The following NELFCD variants were observed in gnomAD, a reference collection of about 807,000 sequenced individuals.
NELFCD encodes negative elongation factor complex member C/D.
A neutral mutation model predicts 72.9 loss-of-function variants in NELFCD; 48 were observed. The ratio of observed to expected loss-of-function variants is 0.66; its 90% CI spans 0.52 to 0.84. The LOEUF (loss-of-function observed/expected upper bound fraction) is 0.84. Ranked by LOEUF, NELFCD falls within the 40% of genes least tolerant of loss-of-function variation. The pLI is 0.00. For missense variants in NELFCD, 538 were observed against 723.8 expected, an observed-to-expected ratio of 0.74 and a Z score of 2.94; for synonymous variants, 297 against 280.6, an observed-to-expected ratio of 1.06 and a Z score of -0.59.
intron 4 of NELFCD, among the ~76,000 whole-genome samples, chr20:58,988,209 G>A (rs1601213793): frequency 6.6e-6 from 1 of 152,234 alleles, no homozygotes; most frequent in South Asian, 2.1e-4. Flanking sequence ...GGTAGGGCTG[G>A]AGGAGGCTGG....
Position 58,986,643 on chromosome 20 carries a change from C to G in NELFCD, c.177-111C>G, listed in dbSNP as rs1357617952. 9 of 800,348 alleles carry G rather than the reference C, an allele frequency of 1.1e-5. 1 individual carries two copies. The highest frequency in any genetic ancestry group is 3.2e-4 in the Middle Eastern group (1 of 3,122). 49.6% of individuals were successfully genotyped at this position (800,348 alleles called of 1,614,324 possible). A position where few individuals can be genotyped will look rare whatever the true frequency, so the allele number is the denominator to read the frequency against. On this transcript the variant is annotated intron_variant, in intron 2 of 14. Transcript: ENST00000652272. This position sits in a 1 kb window ranked among gnomAD's most constrained non-coding sequence, Gnocchi z 4.4. ...CAGGTGTGCACCACTGCACCCAGCC[C>G]CCTCCGCTGCTTTAAAAATTTTGAA...
In NELFCD at chr20:58,992,011, A is replaced by G; in HGVS notation, c.1220A>G (p.Gln407Arg). The G allele has an allele frequency of 6.2e-7, 1 of 1,613,814 alleles. No individual in the cohort carries two copies. The highest frequency in any genetic ancestry group is 8.5e-7 in the Non-Finnish European group (1 of 1,179,836). Residue 407 changes from glutamine (Q) to arginine (R), a missense_variant, in exon 10 of 15, where the codon CAG becomes CGG. Coordinates refer to ENST00000652272, the MANE Select transcript of NELFCD (RefSeq NM_198976.4). ...ELVAELSTLY[Q>R]CIRFPVVAMG... ...GTGGCAGAATTGAGCACACTTTATC[A>G]GTGTATTAGGTAAGCAAAACGAAAC...
chr20:58,987,071 G>C, intron 3 of NELFCD: 1 of 514,934 alleles, frequency 1.9e-6, no homozygotes, highest in Admixed American at 3.9e-5. Context: ...AGTAATTGAG[G>C]TTTACTGGTA....
Position 58,991,890 on chromosome 20 carries a change from G to A in NELFCD, c.1099G>A (p.Val367Met). 1.2e-6 allele frequency: 2 copies of A among 1,614,184 alleles called. No homozygotes were observed. Among genetic ancestry groups the A allele is most frequent in the Non-Finnish European group, 1.7e-6 (2 of 1,180,016 alleles). ...GTGTGTGTGTTTTCAGAACAAGCGAGTGAGCATCAATAAAGATGAGCTGAA... is the reference window on the plus strand; with the variant it reads ...GTGTGTGTGTTTTCAGAACAAGCGAATGAGCATCAATAAAGATGAGCTGAA... ...VVETWKKNKR[V>M]SINKDELKST... The change falls in exon 10 of 15, where the codon GTG (valine) becomes ATG (methionine). Residue 367 changes from valine (V) to methionine (M), a missense_variant. By Grantham distance (21) the Val-to-Met change is conservative. Coordinates refer to ENST00000652272, the MANE Select transcript of NELFCD (RefSeq NM_198976.4).
intron 1 of NELFCD, among the ~76,000 whole-genome samples, chr20:58,982,140 A>ATTTTT (rs751696443): frequency 5.8e-5 from 4 of 68,398 alleles, no homozygotes; most frequent in Admixed American, 2.0e-4. Context: ...GGGAACTTGC[A>ATTTTT]TTTTTTTTTT....
Position 58,993,486 on chromosome 20 carries a change from T to A in NELFCD, c.1382T>A (p.Leu461Gln). The A allele has an allele frequency of 6.2e-7, 1 of 1,614,140 alleles. No homozygotes were observed. Among genetic ancestry groups the A allele is most frequent in the Non-Finnish European group, 8.5e-7 (1 of 1,180,024 alleles). Residue 461 changes from leucine to glutamine, a missense_variant, in exon 12 of 15, where the codon CTG (leucine) becomes CAG (glutamine). By Grantham distance (113) the Leu-to-Gln change is moderately radical (BLOSUM62 -2). Coordinates refer to ENST00000652272, the MANE Select transcript of NELFCD (RefSeq NM_198976.4). This position sits in a 1 kb window ranked among gnomAD's most constrained non-coding sequence, Gnocchi z 5.0. ...CACCAGCTCCTGCACCCCCAGGTCC[T>A]GCAGCTGCTTGTTAAGCTTTTTGAG... ...TCHQLLHPQV[L>Q]QLLVKLFETE...
intron 14 of NELFCD, 64 bp from the exon 15 acceptor site, chr20:58,994,578 A>G (rs2091844863): frequency 4.4e-6 from 6 of 1,353,492 alleles, no homozygotes; most frequent in Middle Eastern, 3.7e-4. Flanking sequence ...AAAAAAAAAA[A>G]AAGAAAGAAA....
At chr20:58,985,460 C>T (rs2091764970) in intron 1 of NELFCD, among the ~76,000 whole-genome samples, 1 of 152,226 alleles carries the variant, frequency 6.6e-6, no homozygotes. Context: ...AGTCCATCCT[C>T]ACATGGTCAT....
At chr20:58,985,239 G>C (rs1416722744) in intron 1 of NELFCD, among the ~76,000 whole-genome samples, 1 of 152,062 alleles carries the variant, frequency 6.6e-6, no homozygotes, top group Non-Finnish European at 1.5e-5. Flanking sequence ...CTGACCCCTG[G>C]CCCAGCTCTT....
At chr20:58,989,449 C>T (rs2091797154) in intron 5 of NELFCD, 39 bp from the exon 6 acceptor site, 1 of 1,609,168 alleles carries the variant, frequency 6.2e-7, no homozygotes, top group Non-Finnish European at 8.5e-7. Flanking sequence ...GGTGCGGTCA[C>T]TGCATGCCTC....
Position 58,986,983 on chromosome 20 carries a change from T to A in NELFCD, c.286+120T>A, listed in dbSNP as rs937944746. ...GATTTCCTGGTTTCTGAGACTTGTG[T>A]AAGAAAGAGCTGAACTTCTTACTCA... On this transcript the variant is annotated intron_variant, in intron 3 of 14. Transcript: ENST00000652272. This position sits in a 1 kb window ranked among gnomAD's most constrained non-coding sequence, Gnocchi z 4.4. 1.2e-5 allele frequency: 7 copies of A among 606,934 alleles called. No homozygotes were observed. The African/African-American group carries it at 1.4e-4, about 12-fold the overall frequency. The allele number at this position is 606,934 out of a possible 1,614,324, so 37.6% of individuals were successfully genotyped here.
rs367912773 is a variant in NELFCD at position 58,994,106 on chromosome 20, G to C, written c.1582-4G>C. 1 of 1,613,880 alleles carries C rather than the reference G, an allele frequency of 6.2e-7. No homozygotes were observed. The highest frequency in any genetic ancestry group is 8.5e-7 in the Non-Finnish European group (1 of 1,179,910). ...AAGAAGTCACCCTGTGCTCCCCCAC[G>C]CAGGTGCTGGACGTCATTGCTCCTC... On this transcript the variant is annotated splice_region_variant and splice_polypyrimidine_tract_variant and intron_variant, in intron 13 of 14. Transcript: ENST00000652272.
At chr20:58,983,144 T>C (rs889160048) in intron 1 of NELFCD, among the ~76,000 whole-genome samples, 7 of 150,868 alleles carry the variant, frequency 4.6e-5, no homozygotes, top group African/African-American at 1.5e-4. Flanking sequence ...TTTTTCTTTT[T>C]TTTTTTTTTT....
At position 58,987,688 on chromosome 20, in the gene NELFCD, T is replaced by G. The variant is rs1364479190; in HGVS notation, c.287-20T>G. 1 of 1,600,968 alleles carries G rather than the reference T, an allele frequency of 6.2e-7. No individual in the cohort carries two copies. Among genetic ancestry groups the G allele is most frequent in the Non-Finnish European group, 8.6e-7 (1 of 1,169,006 alleles). On this transcript the variant is annotated intron_variant, in intron 3 of 14. Transcript: ENST00000652272. ...GAATGGACAGCTTGCCATTGTCTAG[T>G]TGCTTTTATTCTCTTTCAGGTGTTG...
At position 58,989,086 on chromosome 20, in the gene NELFCD, G is replaced by C. The variant is rs6070685; in HGVS notation, c.504+65G>C. Reference sequence around the variant, plus strand: ...AATGTTTATTTTTGGTTGTTGGTCTGTTTCCTTTGACAGTTCATATTTGCT... The same window carrying C: ...AATGTTTATTTTTGGTTGTTGGTCTCTTTCCTTTGACAGTTCATATTTGCT... On this transcript the variant is annotated intron_variant, in intron 5 of 14. Transcript: ENST00000652272. 5.4e-4 allele frequency: 676 copies of C among 1,240,548 alleles called. 2 individuals are homozygous for C. Among genetic ancestry groups the C allele is most frequent in the South Asian group, 7.8e-4 (64 of 82,242 alleles). The allele number at this position is 1,240,548 out of a possible 1,614,324, so 76.8% of individuals were successfully genotyped here. A position where few individuals can be genotyped will look rare whatever the true frequency, so the allele number is the denominator to read the frequency against.
rs377545300 is a variant in NELFCD at position 58,994,091 on chromosome 20, C to T, written c.1582-19C>T. 3.7e-6 allele frequency: 6 copies of T among 1,613,466 alleles called. No homozygotes were observed. Among genetic ancestry groups the T allele is most frequent in the African/African-American group, 2.7e-5 (2 of 74,938 alleles). On this transcript the variant is annotated intron_variant, in intron 13 of 14. Transcript: ENST00000652272. ...CGCACTAGTGTGCGGAAGAAGTCAC[C>T]CTGTGCTCCCCCACGCAGGTGCTGG...
At chr20:58,989,378 C>T (rs1035411340) in intron 5 of NELFCD, 110 bp from the exon 6 acceptor site, 21 of 1,328,926 alleles carry the variant, frequency 1.6e-5, no homozygotes, top group Middle Eastern at 2.5e-4. Context: ...GCCTGAGACC[C>T]ACGACCAGCG....
chr20:58,989,562 G>A lies in NELFCD; in HGVS notation c.579G>A (p.Ser193=), dbSNP rs543319457. 12 of 1,614,140 alleles carry A rather than the reference G, an allele frequency of 7.4e-6. No individual in the cohort carries two copies. In the South Asian group the frequency reaches 8.8e-5, roughly 12 times the overall value. ...STACQQLEVF[S]RVLRTSLATI... is the part of the protein sequence containing the mutation. ...CATGCCAGCAGCTAGAAGTGTTCTC[G>A]AGAGTGCTCCGGACCTCTCTAGCTA... The change falls in exon 6 of 15, where the codon TCG becomes TCA. Residue 193 remains serine (S), a synonymous_variant. Transcript: ENST00000652272.
Position 58,981,380 on chromosome 20 carries a change from G to T in NELFCD, c.60+11G>T. On this transcript the variant is annotated intron_variant, in intron 1 of 14. Coordinates refer to ENST00000652272, the MANE Select transcript of NELFCD (RefSeq NM_198976.4). ...GCTGACGGCGGCCAGGTGAGGCGGG[G>T]CACTGGGCGCACCCTAGAGAGAATC... 2 of 1,059,364 alleles carry T rather than the reference G, an allele frequency of 1.9e-6. No homozygotes were observed. The highest frequency in any genetic ancestry group is 1.2e-6 in the Non-Finnish European group (1 of 867,874). The allele number at this position is 1,059,364 out of a possible 1,614,324, so 65.6% of individuals were successfully genotyped here.
Sources: allele counts gnomAD v4.1 joint callset (sites outside exome capture counted in the v4.1 genomes callset), GRCh38; gene constraint gnomAD v4.1.1; non-coding constraint Gnocchi (gnomAD v3.1); transcripts MANE v1.5; gene names NCBI Gene and HGNC (gene_info 2026-07-23, HGNC 2026-07-21).